Variants in DET1 observed in about 807,000 individuals in gnomAD.
DET1 encodes the protein DET1 homolog.
Under a neutral mutation model 43.7 loss-of-function variants are expected in DET1, and 22 were observed. The ratio of observed to expected loss-of-function variants is 0.50; its 90% confidence interval spans 0.36 to 0.72. The LOEUF is 0.72. DET1 is among the 30% of genes least tolerant of loss of function. DET1 has a pLI of 0.00. For synonymous variants in DET1, 315 were observed against 266.2 expected (o/e 1.18, Z -1.79); for missense variants, 713 against 713.3 (o/e 1.00, Z 0.00).
rs1030567110 is a variant in DET1, at chr15:88,527,775, A to G, written c.1095T>C (p.Phe365=). ...RVTDPSQASF[F]VVYNMVTTEV... is the part of the protein sequence containing the mutation. ...CTGTCGTCACCATATTGTACACCAC[A>G]AAGAAAGATGCCTGCAGAAGAAAAG... Residue 365 remains phenylalanine, a synonymous_variant, in exon 3 of 5, where the codon TTT becomes TTC. Transcript: ENST00000268148. The G allele has an allele frequency of 1.4e-5, 23 of 1,592,546 alleles. No individual in the cohort carries two copies. Among genetic ancestry groups the G allele is most frequent in the Non-Finnish European group, 1.9e-5 (22 of 1,167,864 alleles).
At chr15:88,539,972 G>C (rs971731093) in intron 1 of DET1, among the ~76,000 whole-genome samples, 1 of 152,074 alleles carries the variant, frequency 6.6e-6, no homozygotes, top group South Asian at 2.1e-4. Flanking sequence ...CACCTGTCAT[G>C]CTTTACTTCG....
At chr15:88,542,810 G>T (rs1158894455) in intron 1 of DET1, among the ~76,000 whole-genome samples, 1 of 152,062 alleles carries the variant, frequency 6.6e-6, no homozygotes, top group Non-Finnish European at 1.5e-5. Flanking sequence ...AAAAGTAAAA[G>T]AGGTGAACAG....
intron 3 of DET1, among the ~76,000 whole-genome samples, chr15:88,523,693 G>A (rs1289229187): frequency 3.3e-5 from 5 of 152,154 alleles, no homozygotes; most frequent in Admixed American, 1.3e-4. Context: ...TGCCCGCCTC[G>A]GCCTCCCGAG....
At chr15:88,539,823 A>G (rs193175628) in intron 1 of DET1, among the ~76,000 whole-genome samples, 145 of 152,358 alleles carry the variant, frequency 9.5e-4, no homozygotes, top group African/African-American at 3.4e-3. Context: ...CATACCCCAC[A>G]TCCAAGTGAT....
rs8027446 is a variant in DET1 at position 88,538,556 on chromosome 15, A to G, written c.-10-6841T>C. The stretch of plus-strand genomic sequence containing the variant: ...CCTCAGGGCTGAGAGAATTTTGAGC[A>G]TTAGCCGTCTCTCGGTCACCGGCTA... On this transcript the variant is annotated intron_variant, in intron 1 of 4. Transcript: ENST00000268148. Among the ~76,000 whole-genome samples, 617 of 152,218 alleles carry G rather than the reference A, an allele frequency of 4.1e-3. 6 individuals carry two copies. The highest frequency in any genetic ancestry group is 0.014 in the African/African-American group (563 of 41,492).
At chr15:88,520,189 AT>A (rs1032130630) in intron 3 of DET1, among the ~76,000 whole-genome samples, 1 of 152,128 alleles carries the variant, frequency 6.6e-6, no homozygotes, top group East Asian at 1.9e-4. Context: ...CAAACATGCC[AT>A]TTTTTCCCTC....
At chr15:88,514,412 C>A (rs2056286618) in intron 4 of DET1, among the ~76,000 whole-genome samples, 2 of 152,114 alleles carry the variant, frequency 1.3e-5, no homozygotes, top group African/African-American at 4.8e-5. Flanking sequence ...ATATTTATAC[C>A]TTTTGACTCA....
At chr15:88,539,084 C>T (rs2057025744) in intron 1 of DET1, among the ~76,000 whole-genome samples, 1 of 125,006 alleles carries the variant, frequency 8.0e-6, no homozygotes, top group Non-Finnish European at 1.6e-5. Flanking sequence ...GCCTTGGTTT[C>T]TGGCAGACCG....
At chr15:88,523,772 G>A (rs534748745) in intron 3 of DET1, among the ~76,000 whole-genome samples, 3 of 152,016 alleles carry the variant, frequency 2.0e-5, no homozygotes, top group East Asian at 1.9e-4. Context: ...GTGCAGTGGC[G>A]TGATCTCCGC....
At chr15:88,526,915 A>T (rs1262837792) in intron 3 of DET1, among the ~76,000 whole-genome samples, 1 of 152,126 alleles carries the variant, frequency 6.6e-6, no homozygotes, top group Non-Finnish European at 1.5e-5. Context: ...CCTCACAGAT[A>T]CCTTCAGAAG....
At chr15:88,537,768 T>C (rs139845132) in intron 1 of DET1, among the ~76,000 whole-genome samples, 3 of 152,316 alleles carry the variant, frequency 2.0e-5, no homozygotes, top group African/African-American at 4.8e-5. Context: ...AACTCAGGCA[T>C]CCACAGGGAC....
downstream of DET1, among the ~76,000 whole-genome samples, chr15:88,510,730 T>G (rs1368258602): frequency 6.6e-6 from 1 of 152,014 alleles, no homozygotes; most frequent in African/African-American, 2.4e-5. Context: ...GAGAAGCAAC[T>G]GTATTGTTTG....
At chr15:88,524,366 G>A (rs1340717167) in intron 3 of DET1, among the ~76,000 whole-genome samples, 6 of 150,762 alleles carry the variant, frequency 4.0e-5, no homozygotes, top group South Asian at 2.1e-4. Context: ...CCTGGCCACC[G>A]CCCCGTCCGG....
chr15:88,522,748 G>A (rs962368361), intron 3 of DET1, among the ~76,000 whole-genome samples: 1 of 151,666 alleles, frequency 6.6e-6, no homozygotes, highest in African/African-American at 2.4e-5. Context: ...TCCATCTCCT[G>A]ACCTCATGAT....
chr15:88,546,448 GGGGCCTCT>G, intron 1 of DET1, 84 bp downstream of exon 1: 1 of 152,564 alleles, frequency 6.6e-6, no homozygotes, highest in African/African-American at 2.4e-5. Flanking sequence ...CGGGGGCCGC[GGGGCCTCT>G]GGGCATCAGC....
chr15:88,503,259 T>A (rs1167852557), intron 8 of DET1: 1 of 151,216 alleles, frequency 6.6e-6, no homozygotes, highest in Non-Finnish European at 1.5e-5. Context: ...TGAGACTCTG[T>A]CTCAAAAAAA....
chr15:88,513,229 C>A, intron 4 of DET1, 89 bp from the exon 5 acceptor site: 1 of 1,342,380 alleles, frequency 7.4e-7, no homozygotes, highest in South Asian at 1.5e-5. Flanking sequence ...GGGAATGTGG[C>A]AACTCATTAT....
At chr15:88,523,734 C>T (rs948551906) in intron 3 of DET1, among the ~76,000 whole-genome samples, 5 of 152,274 alleles carry the variant, frequency 3.3e-5, no homozygotes, top group Non-Finnish European at 5.9e-5. Flanking sequence ...GTCTCGCTCA[C>T]TCAGTGCTCA....
chr15:88,539,187 T>G (rs2057030214), intron 1 of DET1, among the ~76,000 whole-genome samples: 1 of 151,160 alleles, frequency 6.6e-6, no homozygotes, highest in African/African-American at 2.4e-5. Flanking sequence ...CTGTGAATGG[T>G]GAGTGACTGT....
Sources: allele counts gnomAD v4.1 joint callset (sites outside exome capture counted in the v4.1 genomes callset), GRCh38; gene constraint gnomAD v4.1.1; transcripts MANE v1.5; gene names NCBI Gene and HGNC (gene_info 2026-07-23, HGNC 2026-07-21).